Variants in TDRD3 observed in about 807,000 individuals in gnomAD.
The protein encoded by TDRD3 is tudor domain-containing protein 3.
In TDRD3, 45 loss-of-function variants were observed where a neutral mutation model predicts 86.7. That is an observed-to-expected ratio of 0.52 (90% CI 0.41 to 0.67). TDRD3 has a LOEUF of 0.67. Ranked by LOEUF, TDRD3 falls within the 30% of genes least tolerant of loss-of-function variation. The pLI is 0.00. For synonymous variants in TDRD3, 298 were observed against 301.7 expected, an observed-to-expected ratio of 0.99 and a Z score of 0.13; for missense variants, 814 against 889.0, an observed-to-expected ratio of 0.92 and a Z score of 1.07.
At chr13:60,469,195 A>G (rs1242245902) in intron 5 of TDRD3, among the ~76,000 whole-genome samples, 1 of 152,192 alleles carries the variant, frequency 6.6e-6, no homozygotes. Context: ...ATAGTTCTAC[A>G]TAAACAGCCA....
chr13:60,521,342 T>C (rs1017295215), intron 10 of TDRD3, among the ~76,000 whole-genome samples: 1 of 152,232 alleles, frequency 6.6e-6, no homozygotes, highest in African/African-American at 2.4e-5. Context: ...AAATATTTAC[T>C]GAGTGCCACC....
chr13:60,529,105 G>A lies in TDRD3; in HGVS notation c.1880G>A (p.Arg627Lys), dbSNP rs1204263114. ...TTTTACAATAGTGGGCCCAAACGAA[G>A]ATCTGGGCCAATTAAGCCAGAAAAA... The part of the protein sequence containing the change: ...KIFYNSGPKR[R>K]SGPIKPEKIL... The change falls in exon 11 of 14, where the codon AGA (arginine) becomes AAA (lysine). Residue 627 changes from arginine (R) to lysine (K), a missense_variant. Coordinates refer to ENST00000377881, the MANE Select transcript of TDRD3 (RefSeq NM_001146070.2). The A allele has an allele frequency of 1.2e-6, 2 of 1,613,758 alleles. No individual in the cohort carries two copies. The highest frequency in any genetic ancestry group is 1.7e-6 in the Non-Finnish European group (2 of 1,179,924).
chr13:60,511,201 G>T (rs1957052780), intron 10 of TDRD3, among the ~76,000 whole-genome samples: 1 of 152,074 alleles, frequency 6.6e-6, no homozygotes, highest in African/African-American at 2.4e-5. Context: ...TTACTATATT[G>T]AAAAGAGAAG....
intron 2 of TDRD3, 28 bp from the exon 3 acceptor site, chr13:60,444,655 C>A: frequency 8.3e-7 from 1 of 1,199,070 alleles, no homozygotes; most frequent in Admixed American, 3.0e-5. Flanking sequence ...TCTATAATTC[C>A]ATTTTAATAA....
At chr13:60,454,175 A>G (rs1230975929) in intron 3 of TDRD3, among the ~76,000 whole-genome samples, 2 of 152,144 alleles carry the variant, frequency 1.3e-5, no homozygotes, top group Non-Finnish European at 2.9e-5. Context: ...TTACGTTGTG[A>G]TCAGAGAATT....
chr13:60,547,272 T>G, intron 12 of TDRD3: 9 of 985,440 alleles, frequency 9.1e-6, no homozygotes, highest in Non-Finnish European at 1.1e-5. Context: ...ACACTGTGCT[T>G]TATCCTGAAA....
chr13:60,418,346 T>C (rs1423723101), intron 1 of TDRD3, among the ~76,000 whole-genome samples: 1 of 152,164 alleles, frequency 6.6e-6, no homozygotes, highest in Non-Finnish European at 1.5e-5. Context: ...TCTTCCCTGA[T>C]AGAAAGTAGG....
At chr13:60,453,982 C>T (rs796662720) in intron 3 of TDRD3, among the ~76,000 whole-genome samples, 10 of 151,782 alleles carry the variant, frequency 6.6e-5, no homozygotes, top group African/African-American at 2.4e-4. Flanking sequence ...CCTATATTTA[C>T]ATAGGAAATA....
At chr13:60,555,177 G>T (rs1958156809) in intron 12 of TDRD3, among the ~76,000 whole-genome samples, 1 of 152,136 alleles carries the variant, frequency 6.6e-6, no homozygotes, top group African/African-American at 2.4e-5. Flanking sequence ...TTACTAATAT[G>T]TTGAACCTTT....
intron 10 of TDRD3, among the ~76,000 whole-genome samples, chr13:60,514,148 G>A (rs1056037471): frequency 4.6e-5 from 7 of 152,184 alleles, no homozygotes; most frequent in Admixed American, 1.3e-4. Flanking sequence ...GAATTTGTTG[G>A]GAACTGGAGC....
At chr13:60,542,565 TC>T (rs1182084150) in intron 12 of TDRD3, among the ~76,000 whole-genome samples, 2 of 152,186 alleles carry the variant, frequency 1.3e-5, no homozygotes, top group African/African-American at 4.8e-5. Context: ...CAGATGGAAC[TC>T]CCTCAGTGCA....
chr13:60,492,980 G>A (rs1482821314), intron 7 of TDRD3, among the ~76,000 whole-genome samples: 3 of 141,874 alleles, frequency 2.1e-5, no homozygotes, highest in Non-Finnish European at 3.0e-5. Context: ...GTGCAGTGGC[G>A]CGATCTCGGC....
chr13:60,499,589 G>A (rs1420366599), intron 8 of TDRD3, among the ~76,000 whole-genome samples: 3 of 152,232 alleles, frequency 2.0e-5, no homozygotes, highest in Non-Finnish European at 4.4e-5. Flanking sequence ...GACATATGCT[G>A]ATTGGATCCA....
intron 3 of TDRD3, among the ~76,000 whole-genome samples, chr13:60,453,956 C>G (rs962581943): frequency 1.3e-5 from 2 of 151,662 alleles, no homozygotes; most frequent in African/African-American, 4.8e-5. Context: ...TCTTCTAGCA[C>G]TGATTTAACT....
chr13:60,474,262 T>C lies in TDRD3; in HGVS notation c.495+6883T>C, dbSNP rs189554291. On this transcript the variant is annotated intron_variant, in intron 5 of 13. Transcript: ENST00000377881. ...GTGACTCGCATGACCTTACCTATCA[T>C]TGTAGATGGCTCACACTCCTTACCC... Among the ~76,000 whole-genome samples, 321 of 152,264 alleles carry C rather than the reference T, an allele frequency of 2.1e-3. 2 individuals are homozygous for C. The highest frequency in any genetic ancestry group is 3.4e-3 in the Middle Eastern group (1 of 294).
Position 60,510,653 on chromosome 13 carries a change from A to G in TDRD3, c.1039A>G (p.Ile347Val). ...AGGTAGAGGAAAAGGCAGGGGGCGA[A>G]TAAGATCTGAAGATGAAGAGGACCT... ...LRGRGKGRGR[I>V]RSEDEEDLGN... The change falls in exon 10 of 14, where the codon ATA (isoleucine) becomes GTA (valine). Residue 347 changes from isoleucine (I) to valine (V), a missense_variant. Transcript: ENST00000377881. The G allele has an allele frequency of 6.2e-7, 1 of 1,602,978 alleles. No individual in the cohort carries two copies. The highest frequency in any genetic ancestry group is 8.5e-7 in the Non-Finnish European group (1 of 1,174,628).
At chr13:60,533,546 C>T (rs371801109) in intron 11 of TDRD3, among the ~76,000 whole-genome samples, 1 of 152,008 alleles carries the variant, frequency 6.6e-6, no homozygotes, top group African/African-American at 2.4e-5. Flanking sequence ...GAGCCTGAGG[C>T]AGGAGAATCA....
intron 11 of TDRD3, among the ~76,000 whole-genome samples, chr13:60,533,565 C>T (rs1379480182): frequency 3.9e-5 from 6 of 152,104 alleles, no homozygotes; most frequent in South Asian, 4.2e-4. Flanking sequence ...CATTGGAACC[C>T]GAGAGGCGGA....
chr13:60,473,596 ATTAG>A (rs1956116336), intron 5 of TDRD3, among the ~76,000 whole-genome samples: 1 of 152,208 alleles, frequency 6.6e-6, no homozygotes, highest in African/African-American at 2.4e-5. Context: ...ATCATTAATT[ATTAG>A]TTTGTAGTAT....
Sources: allele counts gnomAD v4.1 joint callset (sites outside exome capture counted in the v4.1 genomes callset), GRCh38; gene constraint gnomAD v4.1.1; transcripts MANE v1.5; gene names NCBI Gene and HGNC (gene_info 2026-07-23, HGNC 2026-07-21).